The following SACM1L variants were observed in gnomAD, a reference collection of about 807,000 sequenced individuals.
SACM1L encodes the protein SAC1 like phosphatidylinositide phosphatase, also known as phosphatidylinositol-3-phosphatase SAC1.
SACM1L carries 32 observed loss-of-function variants against 89.5 expected under a neutral mutation model. The ratio of observed to expected loss-of-function variants is 0.36; its 90% CI spans 0.27 to 0.48. The LOEUF is 0.48. Among genes scored for constraint, SACM1L ranks in the 20% least tolerant of loss-of-function variants. The pLI is 0.99. For synonymous variants in SACM1L, 213 were observed against 232.8 expected, an observed-to-expected ratio of 0.92 and a Z score of 0.77; for missense variants, 543 against 708.5, an observed-to-expected ratio of 0.77 and a Z score of 2.65.
intron 4 of SACM1L, 42 bp from the exon 5 acceptor site, chr3:45,709,456 C>G: frequency 1.3e-6 from 2 of 1,510,942 alleles, no homozygotes; most frequent in Non-Finnish European, 9.0e-7. Context: ...CTGGCAGATT[C>G]CTTTTCAATT....
At chr3:45,700,484 G>C (rs1193267772) in intron 1 of SACM1L, among the ~76,000 whole-genome samples, 1 of 152,060 alleles carries the variant, frequency 6.6e-6, no homozygotes, top group Non-Finnish European at 1.5e-5. Flanking sequence ...CAGTGGTGAT[G>C]GCTTTGTCAA....
chr3:45,702,561 C>G (rs1022931999), intron 1 of SACM1L, among the ~76,000 whole-genome samples: 15 of 152,216 alleles, frequency 9.9e-5, no homozygotes, highest in Admixed American at 2.6e-4. Context: ...AAACAGCAGT[C>G]TCCATCAGTG....
At chr3:45,701,090 A>G (rs1698256470) in intron 1 of SACM1L, among the ~76,000 whole-genome samples, 2 of 152,332 alleles carry the variant, frequency 1.3e-5, no homozygotes, top group South Asian at 4.1e-4. Flanking sequence ...CTTTTAAAAA[A>G]TTATTTTAAG....
chr3:45,694,585 G>A (rs918779759), intron 1 of SACM1L, among the ~76,000 whole-genome samples: 6 of 152,254 alleles, frequency 3.9e-5, no homozygotes, highest in Non-Finnish European at 5.9e-5. Context: ...GCTAGCCTAG[G>A]TTAGTGCTAG....
Position 45,738,656 on chromosome 3 carries a change from C to T in SACM1L, c.1461C>T (p.Ser487=), listed in dbSNP as rs371656902. 264 of 1,609,160 alleles carry T rather than the reference C, an allele frequency of 1.6e-4. No homozygotes were observed. Among genetic ancestry groups the T allele is most frequent in the Middle Eastern group, 1.2e-3 (7 of 6,050 alleles). ...TACGATATTATAAGAACAACTTTTC[C>T]GATGGATTTAGACAAGTAAGTTTGT... ...SMIRYYKNNF[S]DGFRQDSIDL... Residue 487 remains serine, a synonymous_variant, in exon 17 of 20, where the codon TCC becomes TCT. Transcript: ENST00000389061.
At chr3:45,710,468 C>T (rs1698500240) in intron 5 of SACM1L, among the ~76,000 whole-genome samples, 1 of 148,528 alleles carries the variant, frequency 6.7e-6, no homozygotes, top group African/African-American at 2.5e-5. Flanking sequence ...GCTGGGATTA[C>T]AGGCGTGAGC....
chr3:45,740,223 A>T (rs1328388450), intron 19 of SACM1L, among the ~76,000 whole-genome samples: 1 of 152,224 alleles, frequency 6.6e-6, no homozygotes. Flanking sequence ...CATTTTATGT[A>T]AGACAAAGTA....
chr3:45,735,987 C>T (rs1222050368), intron 14 of SACM1L, among the ~76,000 whole-genome samples: 1 of 152,178 alleles, frequency 6.6e-6, no homozygotes, highest in Non-Finnish European at 1.5e-5. Flanking sequence ...CTAACTCAGC[C>T]TCCCACAAAG....
Position 45,722,774 on chromosome 3 carries a change from T to G in SACM1L, c.766-95T>G. The G allele has an allele frequency of 1.1e-5, 9 of 828,570 alleles. No homozygotes were observed. In the South Asian group the frequency reaches 1.5e-4, roughly 14 times the overall value. The allele number at this position is 828,570 out of a possible 1,614,324, so 51.3% of individuals were successfully genotyped here. On this transcript the variant is annotated intron_variant, in intron 9 of 19. Transcript: ENST00000389061. ...GGTAGATTGTATTAGTTTTTTCCCT[T>G]GCATATTCATTAATATATACACCCC...
intron 11 of SACM1L, among the ~76,000 whole-genome samples, chr3:45,724,597 T>G (rs1698873950): frequency 6.6e-6 from 1 of 152,142 alleles, no homozygotes; most frequent in Non-Finnish European, 1.5e-5. Flanking sequence ...TTTAGGTTGA[T>G]TTTTTACTCT....
chr3:45,712,087 A>G (rs1877931), intron 5 of SACM1L, among the ~76,000 whole-genome samples: 145,981 of 152,250 alleles, frequency 0.96, 69,991 homozygotes, highest in Middle Eastern at 0.99. Flanking sequence ...GTACAAATTC[A>G]GGAACACACA....
chr3:45,708,888 T>G (rs2125689319), intron 4 of SACM1L, among the ~76,000 whole-genome samples: 1 of 152,330 alleles, frequency 6.6e-6, no homozygotes, highest in Admixed American at 6.5e-5. Context: ...AATCTTAGTA[T>G]TCATTGGGAA....
chr3:45,728,444 T>C (rs1559548736), intron 11 of SACM1L, among the ~76,000 whole-genome samples: 1 of 152,188 alleles, frequency 6.6e-6, no homozygotes, highest in Admixed American at 6.5e-5. Flanking sequence ...TTTTCGTTTG[T>C]GTATATTCTA....
chr3:45,729,936 CTT>C (rs920033498), intron 11 of SACM1L, among the ~76,000 whole-genome samples: 30 of 151,848 alleles, frequency 2.0e-4, no homozygotes, highest in African/African-American at 7.2e-4. Context: ...TTTTTGTACT[CTT>C]TTGCTCCAGA....
intron 5 of SACM1L, among the ~76,000 whole-genome samples, chr3:45,712,864 A>C (rs1446032801): frequency 6.6e-6 from 1 of 152,226 alleles, no homozygotes; most frequent in Non-Finnish European, 1.5e-5. Flanking sequence ...AAATGTAAAA[A>C]ATATGGATTT....
At chr3:45,697,267 TCC>T (rs373828664) in intron 1 of SACM1L, among the ~76,000 whole-genome samples, 2 of 137,146 alleles carry the variant, frequency 1.5e-5, no homozygotes, top group African/African-American at 3.1e-5. Flanking sequence ...TCTTTTCTTT[TCC>T]TTTTTTTTTT....
chr3:45,727,268 C>G (rs1210596933), intron 11 of SACM1L, among the ~76,000 whole-genome samples: 2 of 152,068 alleles, frequency 1.3e-5, no homozygotes, highest in African/African-American at 4.8e-5. Flanking sequence ...GGGATTTTTT[C>G]TTTGAACCAG....
At chr3:45,715,143 T>G (rs1698621067) in intron 7 of SACM1L, among the ~76,000 whole-genome samples, 1 of 152,164 alleles carries the variant, frequency 6.6e-6, no homozygotes, top group South Asian at 2.1e-4. Context: ...CTCTATAATG[T>G]ATAGAATTGC....
At chr3:45,729,432 A>G (rs1283350727) in intron 11 of SACM1L, among the ~76,000 whole-genome samples, 1 of 152,182 alleles carries the variant, frequency 6.6e-6, no homozygotes, top group Non-Finnish European at 1.5e-5. Context: ...ACTGTGTAGC[A>G]TCCTTTCATT....
Sources: allele counts gnomAD v4.1 joint callset (sites outside exome capture counted in the v4.1 genomes callset), GRCh38; gene constraint gnomAD v4.1.1; transcripts MANE v1.5; gene names NCBI Gene and HGNC (gene_info 2026-07-23, HGNC 2026-07-21).